ADRA1D: variants seen among roughly 807,000 people sequenced by gnomAD.
ADRA1D encodes the protein alpha-1D adrenergic receptor.
A neutral mutation model predicts 18.6 loss-of-function variants in ADRA1D; 22 were observed. The ratio of observed to expected loss-of-function variants is 1.19; its 90% CI spans 0.85 to 1.69. The LOEUF is 1.69. Among genes scored for constraint, ADRA1D ranks in the 40% most tolerant of loss-of-function variants. The probability of loss-of-function intolerance (pLI) is 0.00; values close to 1 mark genes in which losing one functional copy is unlikely to be tolerated. For missense variants in ADRA1D, 840 were observed against 840.7 expected, an observed-to-expected ratio of 1.00 and a Z score of 0.01; for synonymous variants, 376 against 388.2, an observed-to-expected ratio of 0.97 and a Z score of 0.37.
At chr20:4,243,138 C>T (rs1981256380) in intron 1 of ADRA1D, among the ~76,000 whole-genome samples, 1 of 152,136 alleles carries the variant, frequency 6.6e-6, no homozygotes, top group Non-Finnish European at 1.5e-5. Context: ...TGGCCTAGAC[C>T]TCTAGGGTCA....
intron 1 of ADRA1D, among the ~76,000 whole-genome samples, chr20:4,231,330 G>C (rs1458894754): frequency 1.3e-5 from 2 of 149,326 alleles, no homozygotes; most frequent in Non-Finnish European, 3.0e-5. Flanking sequence ...TGTTTCCTAG[G>C]CTGGTCTTGA....
chr20:4,247,993 C>T lies in ADRA1D; in HGVS notation c.965G>A (p.Arg322His). Reference sequence around the variant, plus strand: ...GCGGAAGGTGTGGCCCTTGGCGCTGCGCATGCCGTGCGCCCCGTCGGCGCC... The same window carrying T: ...GCGGAAGGTGTGGCCCTTGGCGCTGTGCATGCCGTGCGCCCCGTCGGCGCC... ...ATGADGAHGM[R>H]SAKGHTFRSS... The change falls in exon 1 of 2, where the codon CGC becomes CAC. Residue 322 changes from arginine (R) to histidine (H), a missense_variant. Transcript: ENST00000379453. 3 of 1,567,766 alleles carry T rather than the reference C, an allele frequency of 1.9e-6. No homozygotes were observed. The highest frequency in any genetic ancestry group is 1.2e-5 in the South Asian group (1 of 85,760).
At chr20:4,242,283 T>C (rs986034031) in intron 1 of ADRA1D, among the ~76,000 whole-genome samples, 1 of 152,226 alleles carries the variant, frequency 6.6e-6, no homozygotes, top group Non-Finnish European at 1.5e-5. Flanking sequence ...AGTCTATGGA[T>C]ACATGGTTTA....
rs185681202 is a variant in ADRA1D at position 4,239,541 on chromosome 20, G to T, written c.1111+8306C>A. On this transcript the variant is annotated intron_variant, in intron 1 of 1. Coordinates refer to ENST00000379453, the MANE Select transcript of ADRA1D (RefSeq NM_000678.4). This position sits in a 1 kb window ranked among gnomAD's most constrained non-coding sequence, Gnocchi z 4.9. ...GGAAATGGCTAATTCCAGGTCTAGG[G>T]CAGAAAAAATGCAAGCTGAGCCTGA... is the stretch of plus-strand genomic sequence containing the variant. Among the ~76,000 whole-genome samples, 2 of 152,286 alleles carry T rather than the reference G, an allele frequency of 1.3e-5. No homozygotes were observed. The highest frequency in any genetic ancestry group is 3.9e-4 in the East Asian group (2 of 5,186).
Position 4,248,879 on chromosome 20 carries a change from CGCCCGCGCTGGAGCCCCCTGCGCT to C in ADRA1D, c.55_78del (p.Ser19_Gly26del). On this transcript the variant is annotated inframe_deletion, in exon 1 of 2. Coordinates refer to ENST00000379453, the MANE Select transcript of ADRA1D (RefSeq NM_000678.4). ...GCGCCGCCCGCGCTGCCCCCGCCGC[CGCCCGCGCTGGAGCCCCCTGCGCT>C]GCTGTCCGGGCGGGGTCCCTCGAAA... is the stretch of plus-strand genomic sequence containing the variant. 1 of 1,129,076 alleles carries C rather than the reference CGCCCGCGCTGGAGCCCCCTGCGCT, an allele frequency of 8.9e-7. No homozygotes were observed. The highest frequency in any genetic ancestry group is 3.4e-5 in the South Asian group (1 of 29,446). The allele number at this position is 1,129,076 out of a possible 1,614,324, so 69.9% of individuals were successfully genotyped here.
Position 4,247,351 on chromosome 20 carries a change from G to A in ADRA1D, c.1111+496C>T, listed in dbSNP as rs559752516. On this transcript the variant is annotated intron_variant, in intron 1 of 1. Transcript: ENST00000379453. The stretch of plus-strand genomic sequence containing the variant: ...ACACCAGCTGGGGAGGGTCCCAAAT[G>A]GGGCCAGCTTCCAAACTGAATGAGT... Among the ~76,000 whole-genome samples the A allele has an allele frequency of 2.6e-5, 4 of 152,350 alleles. No homozygotes were observed. In the East Asian group the frequency reaches 7.7e-4, roughly 29 times the overall value.
rs765396466 is a variant in ADRA1D at position 4,248,570 on chromosome 20, C to T, written c.388G>A (p.Val130Ile). Residue 130 changes from valine (V) to isoleucine (I), a missense_variant, in exon 1 of 2, where the codon GTC (valine) becomes ATC (isoleucine). Val to Ile is a conservative substitution (Grantham distance 29). Coordinates refer to ENST00000379453, the MANE Select transcript of ADRA1D (RefSeq NM_000678.4). ...AGGTTCACGATGAAATAGTTGGTGA[C>T]GGTCTGCAGGTGGCGGTTGCAGGCC... is the stretch of plus-strand genomic sequence containing the variant. ...SVACNRHLQTVTNYFIVNLAV... is the reference protein window; with the variant it reads ...SVACNRHLQTITNYFIVNLAV... 2 of 1,613,784 alleles carry T rather than the reference C, an allele frequency of 1.2e-6. No individual in the cohort carries two copies. The highest frequency in any genetic ancestry group is 3.3e-5 in the Admixed American group (2 of 60,014).
intron 1 of ADRA1D, among the ~76,000 whole-genome samples, chr20:4,245,267 A>G (rs1271066727): frequency 1.3e-5 from 2 of 152,360 alleles, no homozygotes; most frequent in East Asian, 3.9e-4. Context: ...CAGCCACATA[A>G]TGTTGGGTGA....
intron 1 of ADRA1D, among the ~76,000 whole-genome samples, chr20:4,237,931 C>T (rs988516988): frequency 1.3e-5 from 2 of 151,228 alleles, no homozygotes; most frequent in African/African-American, 4.9e-5. Context: ...CCGTGCCCAG[C>T]CTGAGAGGAT....
intron 1 of ADRA1D, among the ~76,000 whole-genome samples, chr20:4,229,629 G>A (rs1464830730): frequency 1.3e-5 from 2 of 152,150 alleles, no homozygotes; most frequent in Non-Finnish European, 2.9e-5. Flanking sequence ...CGGTATGTTT[G>A]TAGAACGATG....
chr20:4,231,953 C>T (rs985137283), intron 1 of ADRA1D, among the ~76,000 whole-genome samples: 1 of 152,070 alleles, frequency 6.6e-6, no homozygotes, highest in South Asian at 2.1e-4. Context: ...CGCTCTCTTG[C>T]CCAGGCTGGA....
At position 4,249,072 on chromosome 20, in the gene ADRA1D, C is replaced by A; in HGVS notation, c.-115G>T. The A allele has an allele frequency of 1.2e-6, 1 of 838,664 alleles. No individual in the cohort carries two copies. The highest frequency in any genetic ancestry group is 1.5e-6 in the Non-Finnish European group (1 of 674,606). The allele number at this position is 838,664 out of a possible 1,614,324, so 52.0% of individuals were successfully genotyped here. On this transcript the variant is annotated 5_prime_UTR_variant, in exon 1 of 2. Transcript: ENST00000379453. ...ATGCAGCTCCGCGCACGGGTCCCGT[C>A]GGGGTCCTGCCCAAGTTCCTGTGAC...
chr20:4,248,459 C>T lies in ADRA1D; in HGVS notation c.499G>A (p.Ala167Thr), dbSNP rs1399257265. The change falls in exon 1 of 2, where the codon GCC becomes ACC. Residue 167 changes from alanine (A) to threonine (T), a missense_variant. Transcript: ENST00000379453. ...EVLGFWAFGR[A>T]FCDVWAAVDV... ...ACGGCGGCCCATACGTCGCAGAAGG[C>T]GCGGCCAAAGGCCCAGAAGCCCAGA... 6 of 1,612,554 alleles carry T rather than the reference C, an allele frequency of 3.7e-6. No individual in the cohort carries two copies. The highest frequency in any genetic ancestry group is 5.1e-6 in the Non-Finnish European group (6 of 1,179,532).
chr20:4,249,038 G>T lies in ADRA1D; in HGVS notation c.-81C>A. The T allele has an allele frequency of 1.0e-5, 11 of 1,076,966 alleles. No individual in the cohort carries two copies. Among genetic ancestry groups the T allele is most frequent in the Non-Finnish European group, 1.0e-5 (9 of 867,676 alleles). 66.7% of individuals were successfully genotyped at this position (1,076,966 alleles called of 1,614,324 possible). A position where few individuals can be genotyped will look rare whatever the true frequency, so the allele number is the denominator to read the frequency against. On this transcript the variant is annotated 5_prime_UTR_variant, in exon 1 of 2. Coordinates refer to ENST00000379453, the MANE Select transcript of ADRA1D (RefSeq NM_000678.4). Reference sequence around the variant, plus strand: ...GAGGGGAGCACAGGGCATAGCCGCGGGGCTCCAGATGCAGCTCCGCGCACG... The same window carrying T: ...GAGGGGAGCACAGGGCATAGCCGCGTGGCTCCAGATGCAGCTCCGCGCACG...
Position 4,248,914 on chromosome 20 carries a change from CG to C in ADRA1D, c.43del (p.Arg15AlafsTer67). 7.5e-7 allele frequency: 1 copy of C among 1,336,890 alleles called. No homozygotes were observed. 82.8% of individuals were successfully genotyped at this position (1,336,890 alleles called of 1,614,324 possible). On this transcript the variant is annotated frameshift_variant, in exon 1 of 2. Transcript: ENST00000379453. LOFTEE classifies it high-confidence loss of function. Reference sequence around the variant, plus strand: ...GGAGCCCCCTGCGCTGCTGTCCGGGCGGGGTCCCTCGAAACTGACGCTCAGG... The same window carrying C: ...GGAGCCCCCTGCGCTGCTGTCCGGGCGGGTCCCTCGAAACTGACGCTCAGG... ...DLLSVSFEGP[R>X]PDSSAGGSSA...
At chr20:4,227,673 T>TC (rs1205455075) in intron 1 of ADRA1D, among the ~76,000 whole-genome samples, 4 of 99,444 alleles carry the variant, frequency 4.0e-5, no homozygotes, top group African/African-American at 7.0e-5. Context: ...CCTCCTTCCT[T>TC]CCTTCCTTCC....
Position 4,221,945 on chromosome 20 carries a change from C to T in ADRA1D, c.1297G>A (p.Val433Ile), listed in dbSNP as rs534993934. 103 of 1,542,146 alleles carry T rather than the reference C, an allele frequency of 6.7e-5. No individual in the cohort carries two copies. The South Asian group carries it at 1.1e-3, about 17-fold the overall frequency. Reference sequence around the variant, plus strand: ...GAGGCCCGCCAGTGGTGGCCGTAGACACGCCAGAGAGGGCGGCGGCGCCGG... The same window carrying T: ...GAGGCCCGCCAGTGGTGGCCGTAGATACGCCAGAGAGGGCGGCGGCGCCGG... ...RRRRRRPLWR[V>I]YGHHWRASTS... is the part of the protein sequence containing the mutation. The change falls in exon 2 of 2, where the codon GTC (valine) becomes ATC (isoleucine). Residue 433 changes from valine (V) to isoleucine (I), a missense_variant. By Grantham distance (29) the Val-to-Ile change is conservative (BLOSUM62 3). Coordinates refer to ENST00000379453, the MANE Select transcript of ADRA1D (RefSeq NM_000678.4).
At position 4,248,937 on chromosome 20, in the gene ADRA1D, C is replaced by G. The variant is rs754348275; in HGVS notation, c.21G>C (p.Leu7=). Residue 7 remains leucine, a synonymous_variant, in exon 1 of 2, where the codon CTG becomes CTC. Coordinates refer to ENST00000379453, the MANE Select transcript of ADRA1D (RefSeq NM_000678.4). MTFRDL[L]SVSFEGPRPD... Reference sequence around the variant, plus strand: ...GGCGGGGTCCCTCGAAACTGACGCTCAGGAGATCGCGGAAAGTCATCTCAA... The same window carrying G: ...GGCGGGGTCCCTCGAAACTGACGCTGAGGAGATCGCGGAAAGTCATCTCAA... 1 of 1,351,826 alleles carries G rather than the reference C, an allele frequency of 7.4e-7. No individual in the cohort carries two copies. The highest frequency in any genetic ancestry group is 2.7e-5 in the Admixed American group (1 of 37,412). The allele number at this position is 1,351,826 out of a possible 1,614,324, so 83.7% of individuals were successfully genotyped here.
At chr20:4,227,741 TC>T (rs1980850243) in intron 1 of ADRA1D, among the ~76,000 whole-genome samples, 1 of 123,244 alleles carries the variant, frequency 8.1e-6, no homozygotes, top group African/African-American at 2.9e-5. Flanking sequence ...CTTCCTTCCT[TC>T]CTTCCTTCTT....
Sources: allele counts gnomAD v4.1 joint callset (sites outside exome capture counted in the v4.1 genomes callset), GRCh38; gene constraint gnomAD v4.1.1; non-coding constraint Gnocchi (gnomAD v3.1); transcripts MANE v1.5; gene names NCBI Gene and HGNC (gene_info 2026-07-23, HGNC 2026-07-21).